ARHGAP28: variants seen among roughly 807,000 people sequenced by gnomAD.
ARHGAP28 encodes rho GTPase-activating protein 28.
Under a neutral mutation model 90.7 loss-of-function variants are expected in ARHGAP28, and 56 were observed. The observed-to-expected ratio is 0.62, with a 90% CI of 0.50 to 0.77. The LOEUF (loss-of-function observed/expected upper bound fraction) is 0.77, where lower values mean the gene tolerates loss of function less well. Ranked by LOEUF, ARHGAP28 falls within the 30% of genes least tolerant of loss-of-function variation. The pLI is 0.00. For missense variants in ARHGAP28, 869 were observed against 900.9 expected (o/e 0.96, Z 0.45); for synonymous variants, 308 against 323.3 (o/e 0.95, Z 0.51).
At chr18:6,866,862 T>G (rs1264851311) in intron 5 of ARHGAP28, among the ~76,000 whole-genome samples, 1 of 152,212 alleles carries the variant, frequency 6.6e-6, no homozygotes, top group African/African-American at 2.4e-5. Flanking sequence ...TAAAAAAGTC[T>G]TATCAATTTT....
intron 1 of ARHGAP28, among the ~76,000 whole-genome samples, chr18:6,744,777 T>G (rs934435340): frequency 3.9e-5 from 6 of 152,176 alleles, no homozygotes; most frequent in African/African-American, 1.4e-4. Flanking sequence ...GATTTTTGTT[T>G]TTCAGATGAT....
chr18:6,908,421 G>C (rs1214201684), intron 16 of ARHGAP28, among the ~76,000 whole-genome samples: 1 of 152,160 alleles, frequency 6.6e-6, no homozygotes, highest in Non-Finnish European at 1.5e-5. Flanking sequence ...TTACAGGCAT[G>C]AGCCACCGTG....
chr18:6,888,557 C>T (rs2143704716), intron 12 of ARHGAP28, among the ~76,000 whole-genome samples: 1 of 152,138 alleles, frequency 6.6e-6, no homozygotes, highest in Admixed American at 6.5e-5. Context: ...ATAAAAATGT[C>T]CTTTTCTAAT....
intron 1 of ARHGAP28, among the ~76,000 whole-genome samples, chr18:6,776,209 G>A (rs2056282238): frequency 6.6e-6 from 1 of 152,090 alleles, no homozygotes; most frequent in South Asian, 2.1e-4. Flanking sequence ...ATGATAAGTG[G>A]AATGACAAAG....
chr18:6,845,796 T>C (rs948617566), intron 3 of ARHGAP28, among the ~76,000 whole-genome samples: 2 of 152,208 alleles, frequency 1.3e-5, no homozygotes, highest in African/African-American at 2.4e-5. Flanking sequence ...GGTATATATG[T>C]ACCACTCTAA....
At chr18:6,890,579 G>C (rs181810207) in intron 14 of ARHGAP28, 36 bp downstream of exon 14, 23 of 1,382,968 alleles carry the variant, frequency 1.7e-5, no homozygotes, top group Non-Finnish European at 2.1e-5. Context: ...ATTGTCCACT[G>C]CCTAGATTTG....
intron 4 of ARHGAP28, among the ~76,000 whole-genome samples, chr18:6,854,937 C>T (rs1474233542): frequency 2.0e-5 from 3 of 152,204 alleles, no homozygotes; most frequent in Non-Finnish European, 2.9e-5. Flanking sequence ...TGCAACCCCC[C>T]ACGGTGTGCA....
chr18:6,782,211 G>A (rs2056329519), intron 1 of ARHGAP28, among the ~76,000 whole-genome samples: 1 of 152,152 alleles, frequency 6.6e-6, no homozygotes, highest in Non-Finnish European at 1.5e-5. Flanking sequence ...GGAGTGGGGG[G>A]TTGAGGGGGT....
At chr18:6,811,090 G>A (rs1306086920) in intron 1 of ARHGAP28, among the ~76,000 whole-genome samples, 1 of 151,360 alleles carries the variant, frequency 6.6e-6, no homozygotes, top group Non-Finnish European at 1.5e-5. Context: ...GTTTCAAGAA[G>A]GAGGGCCTAT....
chr18:6,887,565 G>A (rs1212942205), intron 12 of ARHGAP28, among the ~76,000 whole-genome samples: 1 of 151,912 alleles, frequency 6.6e-6, no homozygotes, highest in African/African-American at 2.4e-5. Flanking sequence ...CAAGTAGCTG[G>A]GACTACAGGT....
intron 6 of ARHGAP28, among the ~76,000 whole-genome samples, chr18:6,868,648 G>A (rs1387748691): frequency 1.3e-5 from 2 of 152,008 alleles, no homozygotes; most frequent in East Asian, 3.9e-4. Flanking sequence ...TTTTATCTGC[G>A]CCTCTTCCGC....
intron 11 of ARHGAP28, among the ~76,000 whole-genome samples, chr18:6,883,159 C>T (rs1047201712): frequency 6.6e-6 from 1 of 152,086 alleles, no homozygotes; most frequent in African/African-American, 2.4e-5. Flanking sequence ...CTTGGTTCTC[C>T]GTAATGGTTG....
intron 1 of ARHGAP28, chr18:6,730,196 G>A (rs758379531): frequency 4.5e-5 from 12 of 267,500 alleles, no homozygotes; most frequent in Non-Finnish European, 2.5e-5. Flanking sequence ...TTGCATTCTT[G>A]ATACGATTTG....
At chr18:6,745,631 C>T (rs962353947) in intron 1 of ARHGAP28, among the ~76,000 whole-genome samples, 1 of 152,136 alleles carries the variant, frequency 6.6e-6, no homozygotes, top group Non-Finnish European at 1.5e-5. Flanking sequence ...CACTTTGTTC[C>T]TTCAATTACT....
chr18:6,897,281 G>A (rs775633261), intron 16 of ARHGAP28: 1 of 152,144 alleles, frequency 6.6e-6, no homozygotes, highest in Non-Finnish European at 1.5e-5. Context: ...TAGTCCTTCA[G>A]GAATAACATT....
At chr18:6,772,729 T>A (rs748589019) in intron 1 of ARHGAP28, among the ~76,000 whole-genome samples, 43 of 151,646 alleles carry the variant, frequency 2.8e-4, no homozygotes, top group Non-Finnish European at 3.7e-4. Flanking sequence ...GGTTTTATTT[T>A]TTTTTATTTT....
intron 1 of ARHGAP28, among the ~76,000 whole-genome samples, chr18:6,783,746 T>C (rs2056345576): frequency 6.6e-6 from 1 of 152,158 alleles, no homozygotes; most frequent in African/African-American, 2.4e-5. Flanking sequence ...GTTTGGCCAA[T>C]GGGAGGCACA....
Position 6,839,597 on chromosome 18 carries a change from A to T in ARHGAP28, c.543+2183A>T, listed in dbSNP as rs529108686. ...CAGGCGTGAGCCACTGCGCCCGGCC[A>T]TAATTTTTTTAGATTAAGAGTTAGT... On this transcript the variant is annotated intron_variant, in intron 3 of 17. Transcript: ENST00000383472. 4.1e-4 allele frequency among the ~76,000 whole-genome samples: 62 copies of T among 152,282 alleles called. 1 individual carries two copies. In the South Asian group the frequency reaches 0.011, roughly 26 times the overall value.
At chr18:6,788,450 TTTTG>T (rs994490102) in intron 1 of ARHGAP28, 5 of 152,434 alleles carry the variant, frequency 3.3e-5, no homozygotes, top group Middle Eastern at 3.2e-3. Context: ...CTTTTTGTTT[TTTTG>T]TTTGTTTTTT....
Sources: allele counts gnomAD v4.1 joint callset (sites outside exome capture counted in the v4.1 genomes callset), GRCh38; gene constraint gnomAD v4.1.1; transcripts MANE v1.5; gene names NCBI Gene and HGNC (gene_info 2026-07-23, HGNC 2026-07-21).